The following SYMPK variants were observed in gnomAD, a reference collection of about 807,000 sequenced individuals.
SYMPK encodes the protein symplekin scaffold protein.
Under a neutral mutation model 136.4 loss-of-function variants are expected in SYMPK, and 49 were observed. The ratio of observed to expected loss-of-function variants is 0.36; its 90% CI spans 0.29 to 0.46. The LOEUF is 0.46. Among genes scored for constraint, SYMPK ranks in the 20% least tolerant of loss-of-function variants. The pLI, the probability that SYMPK is intolerant of heterozygous loss-of-function variation, is 1.00. For synonymous variants in SYMPK, 766 were observed against 713.0 expected, an observed-to-expected ratio of 1.07 and a Z score of -1.19; for missense variants, 1,365 against 1,690.0, an observed-to-expected ratio of 0.81 and a Z score of 3.37.
intron 1 of SYMPK, among the ~76,000 whole-genome samples, chr19:45,858,453 C>T (rs1383274339): frequency 6.6e-6 from 1 of 152,164 alleles, no homozygotes; most frequent in African/African-American, 2.4e-5. Flanking sequence ...ACAACTCCTT[C>T]CCTCTTCATT....
chr19:45,816,037 G>T lies in SYMPK; in HGVS notation c.3501C>A (p.Pro1167=). 1 of 1,580,004 alleles carries T rather than the reference G, an allele frequency of 6.3e-7. No homozygotes were observed. Among genetic ancestry groups the T allele is most frequent in the Non-Finnish European group, 8.6e-7 (1 of 1,162,808 alleles). ...GAGAGGGAGAGGGGGAGGAAGAGGA[G>T]GGGGCTCCCACTCCTCCCGGCTTCA... ...QKLKPGGVGA[P]SSSSPSPSPS... Residue 1167 remains proline, a synonymous_variant, in exon 26 of 27, where the codon CCC becomes CCA. Transcript: ENST00000245934.
chr19:45,854,300 C>G (rs1308645653), intron 2 of SYMPK, 60 bp from the exon 3 acceptor site: 9 of 1,606,492 alleles, frequency 5.6e-6, no homozygotes, highest in South Asian at 3.3e-5. Context: ...GTGCAGCCCC[C>G]TCGGCACTCC....
intron 1 of SYMPK, among the ~76,000 whole-genome samples, chr19:45,856,288 C>T (rs887307027): frequency 1.3e-5 from 2 of 151,804 alleles, no homozygotes. Context: ...TGCAGTGAGC[C>T]GAGATCATGC....
chr19:45,854,201 C>A lies in SYMPK; in HGVS notation c.145G>T (p.Asp49Tyr). ...TGTTTGAGCACTGTGATCTTTGAGTCATTGGTGATCAGCGCCGCCTGGTTC... is the reference window on the plus strand; with the variant it reads ...TGTTTGAGCACTGTGATCTTTGAGTAATTGGTGATCAGCGCCGCCTGGTTC... ...LLNQAALITN[D>Y]SKITVLKQVQ... The change falls in exon 3 of 27, where the codon GAC (aspartate) becomes TAC (tyrosine). Residue 49 changes from aspartate to tyrosine, a missense_variant. Asp to Tyr is a radical substitution (Grantham distance 160). Coordinates refer to ENST00000245934, the MANE Select transcript of SYMPK (RefSeq NM_004819.3). The A allele has an allele frequency of 6.2e-7, 1 of 1,614,144 alleles. No individual in the cohort carries two copies. Among genetic ancestry groups the A allele is most frequent in the South Asian group, 1.1e-5 (1 of 91,048 alleles).
In SYMPK at chr19:45,827,509, C is replaced by T; in HGVS notation, c.2181+1G>A. 2 of 1,612,310 alleles carry T rather than the reference C, an allele frequency of 1.2e-6. No homozygotes were observed. The highest frequency in any genetic ancestry group is 1.7e-6 in the Non-Finnish European group (2 of 1,178,374). On this transcript the variant is annotated splice_donor_variant, in intron 16 of 26. Coordinates refer to ENST00000245934, the MANE Select transcript of SYMPK (RefSeq NM_004819.3). LOFTEE classifies it high-confidence loss of function. ...AGCCAGGAAGTGGAGGAGGGGATCA[C>T]CTTGTCCTTCTCATGGGAGCTGAGG...
intron 15 of SYMPK, 67 bp from the exon 16 acceptor site, chr19:45,827,690 G>A: frequency 6.6e-7 from 1 of 1,522,752 alleles, no homozygotes; most frequent in Non-Finnish European, 9.1e-7. Context: ...TGTCTTTCCT[G>A]CCTGCCTCTG....
Position 45,820,969 on chromosome 19 carries a change from C to G in SYMPK, c.2893+415G>C, listed in dbSNP as rs114967165. The G allele has an allele frequency of 2.2e-3, 1,264 of 586,618 alleles. 16 individuals carry two copies. The African/African-American group carries it at 0.022, about 10-fold the overall frequency. 36.3% of individuals were successfully genotyped at this position (586,618 alleles called of 1,614,324 possible). ...CCCTGCCGCCCTGCAGGCAAGCTCT[C>G]CTGCCTCACCTACCCTGGCCCACAA... On this transcript the variant is annotated intron_variant, in intron 22 of 26. Transcript: ENST00000245934.
chr19:45,853,150 C>CACTCCACCTCGGAGGTGGGGCT (rs1444496140), intron 3 of SYMPK, among the ~76,000 whole-genome samples: 1 of 152,156 alleles, frequency 6.6e-6, no homozygotes, highest in African/African-American at 2.4e-5. Context: ...CAGGTGCATC[C>CACTCCACCTCGGAGGTGGGGCT]ACTCCACCTC....
chr19:45,838,353 T>C (rs1971355883), intron 10 of SYMPK, 108 bp downstream of exon 10: 2 of 1,321,220 alleles, frequency 1.5e-6, no homozygotes. Context: ...CTTTATTAAT[T>C]AGGAGGGTAC....
intron 25 of SYMPK, 110 bp downstream of exon 25, chr19:45,816,372 G>A: frequency 7.1e-7 from 1 of 1,414,642 alleles, no homozygotes; most frequent in Non-Finnish European, 9.4e-7. Flanking sequence ...CCCAGAGGCA[G>A]GGGTGGCCTG....
chr19:45,848,152 C>A, intron 6 of SYMPK, 151 bp from the exon 7 acceptor site: 1 of 1,052,814 alleles, frequency 9.5e-7, no homozygotes, highest in South Asian at 1.7e-5. Flanking sequence ...TCTGCCCCAG[C>A]CCAGTGCTCG....
intron 7 of SYMPK, among the ~76,000 whole-genome samples, chr19:45,847,316 T>C (rs1335370763): frequency 6.6e-6 from 1 of 151,738 alleles, no homozygotes; most frequent in African/African-American, 2.4e-5. Flanking sequence ...CCCAGCTACT[T>C]TGGAGGCTGA....
chr19:45,818,139 G>A lies in SYMPK; in HGVS notation c.2901C>T (p.Asn967=). The A allele has an allele frequency of 2.6e-6, 4 of 1,544,692 alleles. No individual in the cohort carries two copies. The highest frequency in any genetic ancestry group is 3.5e-6 in the Non-Finnish European group (4 of 1,142,162). The change falls in exon 23 of 27, where the codon AAC becomes AAT. Residue 967 remains asparagine, a synonymous_variant. Coordinates refer to ENST00000245934, the MANE Select transcript of SYMPK (RefSeq NM_004819.3). ...CDMKSIIKAT[N]LCFAERNVYT... is the part of the protein sequence containing the mutation. Reference sequence around the variant, plus strand: ...ACACGTTCCGCTCCGCAAAGCACAGGTTGGTGGCTGCGAGGAGGCGGAGAG... The same window carrying A: ...ACACGTTCCGCTCCGCAAAGCACAGATTGGTGGCTGCGAGGAGGCGGAGAG...
intron 15 of SYMPK, 67 bp downstream of exon 15, chr19:45,827,770 C>G: frequency 6.4e-7 from 1 of 1,569,780 alleles, no homozygotes; most frequent in Non-Finnish European, 8.8e-7. Flanking sequence ...ACTGTGTGCC[C>G]TTCAGACCCC....
chr19:45,847,491 A>G (rs1194107817), intron 7 of SYMPK, among the ~76,000 whole-genome samples: 1 of 152,170 alleles, frequency 6.6e-6, no homozygotes, highest in African/African-American at 2.4e-5. Flanking sequence ...GAACTTCACT[A>G]CAAACCTGTG....
At chr19:45,828,561 G>A in intron 14 of SYMPK, 1 of 218,472 alleles carries the variant, frequency 4.6e-6, no homozygotes, top group Non-Finnish European at 9.2e-6. Flanking sequence ...GAGCTGCTGT[G>A]TGGAGGATAG....
chr19:45,825,057 G>T, intron 18 of SYMPK, 114 bp downstream of exon 18: 1 of 1,387,254 alleles, frequency 7.2e-7, no homozygotes, highest in Non-Finnish European at 9.8e-7. Context: ...GGCCCGGGGT[G>T]ACCACCCTTC....
At chr19:45,840,765 C>T (rs997733390) in intron 9 of SYMPK, among the ~76,000 whole-genome samples, 1 of 151,606 alleles carries the variant, frequency 6.6e-6, no homozygotes, top group Non-Finnish European at 1.5e-5. Context: ...ATTGCTTGAA[C>T]CCGGGAGACA....
chr19:45,859,980 A>ATT (rs1971924687), intron 1 of SYMPK, among the ~76,000 whole-genome samples: 1 of 131,748 alleles, frequency 7.6e-6, no homozygotes, highest in African/African-American at 2.8e-5. Context: ...AAAAAAAAAA[A>ATT]TTAGCCAGGC....
Sources: allele counts gnomAD v4.1 joint callset (sites outside exome capture counted in the v4.1 genomes callset), GRCh38; gene constraint gnomAD v4.1.1; transcripts MANE v1.5; gene names NCBI Gene and HGNC (gene_info 2026-07-23, HGNC 2026-07-21).